Variants in ATP8A2 observed in about 807,000 individuals in gnomAD.
The protein encoded by ATP8A2 is ATPase phospholipid transporting 8A2, also known as phospholipid-transporting ATPase IB.
ATP8A2 carries 100 observed loss-of-function variants against 165.6 expected under a neutral mutation model. The ratio of observed to expected loss-of-function variants is 0.60; its 90% CI spans 0.51 to 0.71. ATP8A2 has a LOEUF of 0.71. Ranked by LOEUF, ATP8A2 falls within the 30% of genes least tolerant of loss-of-function variation. The probability of loss-of-function intolerance (pLI) is 0.00; values close to 1 mark genes in which losing one functional copy is unlikely to be tolerated. For missense variants in ATP8A2, 1,227 were observed against 1,479.5 expected, an observed-to-expected ratio of 0.83 and a Z score of 2.80; for synonymous variants, 543 against 548.8, an observed-to-expected ratio of 0.99 and a Z score of 0.15.
chr13:25,471,942 A>G (rs1346677625), intron 2 of ATP8A2, among the ~76,000 whole-genome samples: 1 of 152,218 alleles, frequency 6.6e-6, no homozygotes, highest in Non-Finnish European at 1.5e-5. Flanking sequence ...CATGGCTTAT[A>G]CTGTGAGCGT....
At chr13:25,689,885 A>G (rs1404337255) in intron 24 of ATP8A2, among the ~76,000 whole-genome samples, 1 of 152,194 alleles carries the variant, frequency 6.6e-6, no homozygotes, top group African/African-American at 2.4e-5. Flanking sequence ...AAAAACATCT[A>G]TTTTGAGGAG....
At chr13:25,726,937 A>T (rs1313417312) in intron 25 of ATP8A2, among the ~76,000 whole-genome samples, 1 of 152,142 alleles carries the variant, frequency 6.6e-6, no homozygotes, top group Non-Finnish European at 1.5e-5. Context: ...AACCACCCCA[A>T]GGAGAAGGAG....
chr13:25,716,927 C>T (rs2138009399), intron 25 of ATP8A2, among the ~76,000 whole-genome samples: 1 of 152,302 alleles, frequency 6.6e-6, no homozygotes, highest in Middle Eastern at 3.4e-3. Context: ...ATATATAAAG[C>T]ATGAATTGCT....
chr13:25,752,841 A>T (rs965576440), intron 25 of ATP8A2, among the ~76,000 whole-genome samples: 2 of 152,086 alleles, frequency 1.3e-5, no homozygotes, highest in East Asian at 3.9e-4. Context: ...ATCTCTATCC[A>T]TGGTCTCAGA....
At chr13:25,511,136 A>C (rs1210885886) in intron 2 of ATP8A2, among the ~76,000 whole-genome samples, 1 of 152,198 alleles carries the variant, frequency 6.6e-6, no homozygotes, top group African/African-American at 2.4e-5. Context: ...ATTTCAGTTA[A>C]TTACCTCAGG....
In ATP8A2 at chr13:26,023,875, T is replaced by TA. The variant is rs1957120571; in HGVS notation, c.*3897dup. ...TGTAGTCTTCATCTCCTGGGATCCATAAAAAAATGTGAACAGGGAAATGGT... is the reference window on the plus strand; with the variant it reads ...TGTAGTCTTCATCTCCTGGGATCCATAAAAAAAATGTGAACAGGGAAATGGT... On this transcript the variant is annotated 3_prime_UTR_variant, in exon 37 of 37. Coordinates refer to ENST00000381655, the MANE Select transcript of ATP8A2 (RefSeq NM_016529.6). 1 of 152,046 alleles carries TA rather than the reference T, an allele frequency of 6.6e-6. No homozygotes were observed. The highest frequency in any genetic ancestry group is 2.1e-4 in the South Asian group (1 of 4,824). The allele number at this position is 152,046 out of a possible 1,614,324, so 9.4% of individuals were successfully genotyped here.
chr13:25,906,869 T>A (rs2138975129), intron 33 of ATP8A2, among the ~76,000 whole-genome samples: 1 of 152,344 alleles, frequency 6.6e-6, no homozygotes, highest in Non-Finnish European at 1.5e-5. Context: ...TAAGTATGTT[T>A]TGTTAATGAA....
At chr13:25,897,899 G>A (rs774012103) in intron 33 of ATP8A2, among the ~76,000 whole-genome samples, 18 of 152,076 alleles carry the variant, frequency 1.2e-4, no homozygotes, top group Non-Finnish European at 2.1e-4. Context: ...CTCCTTCAAG[G>A]ACTTCTCTGC....
intron 25 of ATP8A2, among the ~76,000 whole-genome samples, chr13:25,744,542 G>T (rs1487864613): frequency 6.6e-6 from 1 of 152,200 alleles, no homozygotes; most frequent in Admixed American, 6.5e-5. Context: ...TTTTCACAAT[G>T]AGATCATTTC....
chr13:25,426,634 T>G (rs1748588), intron 1 of ATP8A2, among the ~76,000 whole-genome samples: 1 of 151,882 alleles, frequency 6.6e-6, no homozygotes, highest in South Asian at 2.1e-4. Flanking sequence ...TAATGCCAAC[T>G]GTGGACTTTA....
rs6491089 is a variant in ATP8A2 at position 25,808,613 on chromosome 13, A to C, written c.2680-19505A>C. Among the ~76,000 whole-genome samples the C allele has an allele frequency of 2.7e-5, 4 of 147,330 alleles. No individual in the cohort carries two copies. The South Asian group carries it at 8.7e-4, about 32-fold the overall frequency. On this transcript the variant is annotated intron_variant, in intron 27 of 36. Transcript: ENST00000381655. ...GACTCCATCTCAAAAAAAAAAAAAA[A>C]TTTTTTTTTTGTAGAGTTGTCTCAC...
At position 25,538,308 on chromosome 13, in the gene ATP8A2, G is replaced by GT. The variant is rs532630358; in HGVS notation, c.581+254dup. 1.9e-3 allele frequency among the ~76,000 whole-genome samples: 285 copies of GT among 152,148 alleles called. 1 individual carries two copies. Among genetic ancestry groups the GT allele is most frequent in the Non-Finnish European group, 3.3e-3 (221 of 67,988 alleles). On this transcript the variant is annotated intron_variant, in intron 7 of 36. Transcript: ENST00000381655. ...CCACTTAGTCTCCTGGCTATTTGGGGTTTTTTTCTTATTTATAGGGGCACT... is the reference window on the plus strand; with the variant it reads ...CCACTTAGTCTCCTGGCTATTTGGGGTTTTTTTTCTTATTTATAGGGGCACT...
chr13:25,868,279 C>T (rs1952572198), intron 33 of ATP8A2: 1 of 340,422 alleles, frequency 2.9e-6, no homozygotes, highest in South Asian at 2.3e-5. Context: ...AGATAACATT[C>T]CAGAAAACAC....
chr13:25,403,086 T>C (rs985294507), intron 1 of ATP8A2, among the ~76,000 whole-genome samples: 16 of 152,324 alleles, frequency 1.1e-4, no homozygotes, highest in African/African-American at 3.8e-4. Flanking sequence ...AGGCCCCACC[T>C]TTTAATACTG....
intron 25 of ATP8A2, among the ~76,000 whole-genome samples, chr13:25,732,472 A>G (rs139446496): frequency 3.9e-5 from 6 of 152,374 alleles, no homozygotes; most frequent in African/African-American, 9.6e-5. Flanking sequence ...TATTTAAATT[A>G]TAATACCTCA....
intron 35 of ATP8A2, among the ~76,000 whole-genome samples, chr13:25,977,996 C>T (rs1382711738): frequency 2.6e-5 from 4 of 152,126 alleles, no homozygotes; most frequent in Non-Finnish European, 5.9e-5. Flanking sequence ...AGTTCCATGT[C>T]AACTTTCTCT....
At chr13:25,553,288 G>A (rs190811687) in intron 11 of ATP8A2, among the ~76,000 whole-genome samples, 111 of 151,312 alleles carry the variant, frequency 7.3e-4, no homozygotes, top group Non-Finnish European at 1.3e-3. Context: ...AACTTGTTCC[G>A]TCCAGATATC....
At chr13:25,862,440 G>A in intron 33 of ATP8A2, 32 bp downstream of exon 33, 1 of 1,531,724 alleles carries the variant, frequency 6.5e-7, no homozygotes, top group Non-Finnish European at 9.0e-7. Context: ...TGTGTCTTCT[G>A]TGTCTTGTGA....
At chr13:25,549,822 A>T (rs2038764601) in intron 10 of ATP8A2, among the ~76,000 whole-genome samples, 2 of 152,152 alleles carry the variant, frequency 1.3e-5, no homozygotes, top group South Asian at 4.2e-4. Flanking sequence ...TGCAGGCTTC[A>T]GAGGGGACTC....
Sources: gnomAD v4.1 joint callset for allele counts (sites outside exome capture counted in the v4.1 genomes callset) on GRCh38, gnomAD v4.1.1 for gene constraint, MANE v1.5 for transcripts, NCBI Gene and HGNC (gene_info 2026-07-23, HGNC 2026-07-21) for gene names.